Variants in CYTH3 observed in about 807,000 individuals in gnomAD.
CYTH3 encodes cytohesin 3, also known as cytohesin-3.
A neutral mutation model predicts 55.1 loss-of-function variants in CYTH3; 23 were observed. The ratio of observed to expected loss-of-function variants is 0.42; its 90% CI spans 0.30 to 0.59. The LOEUF (loss-of-function observed/expected upper bound fraction) is 0.59. CYTH3 is among the 20% of genes least tolerant of loss of function. CYTH3 has a pLI of 0.20. For missense variants in CYTH3, 413 were observed against 524.8 expected (o/e 0.79, Z 2.08); for synonymous variants, 249 against 194.9 (o/e 1.28, Z -2.31).
chr7:6,204,966 G>A (rs1313630673), intron 1 of CYTH3, among the ~76,000 whole-genome samples: 1 of 151,924 alleles, frequency 6.6e-6, no homozygotes, highest in African/African-American at 2.4e-5. Context: ...GGAGTTCAAG[G>A]CCAGTTTGGG....
intron 1 of CYTH3, among the ~76,000 whole-genome samples, chr7:6,238,087 A>T (rs1779573240): frequency 6.6e-6 from 1 of 152,240 alleles, no homozygotes; most frequent in Non-Finnish European, 1.5e-5. Flanking sequence ...CAATCTGTAT[A>T]CTTCATCAAG....
rs1289441648 is a variant in CYTH3, at chr7:6,207,862, A to T, written c.35-17331T>A. Among the ~76,000 whole-genome samples, 5 of 143,538 alleles carry T rather than the reference A, an allele frequency of 3.5e-5. No homozygotes were observed. In the South Asian group the frequency reaches 1.2e-3, roughly 34 times the overall value. The allele number at this position is 143,538 out of a possible 152,430, so 94.2% of individuals were successfully genotyped here. On this transcript the variant is annotated intron_variant, in intron 1 of 12. Coordinates refer to ENST00000350796, the MANE Select transcript of CYTH3 (RefSeq NM_004227.4). ...CTACTTGGGAGGCTGAGGTGGGAGG[A>T]TGGCTTAAACCCAGAAAGCGGAGGT...
At chr7:6,214,608 G>C (rs975853238) in intron 1 of CYTH3, among the ~76,000 whole-genome samples, 4 of 152,096 alleles carry the variant, frequency 2.6e-5, no homozygotes, top group Non-Finnish European at 5.9e-5. Flanking sequence ...CATTCCACCT[G>C]GCCTAGGAAT....
At chr7:6,190,409 AC>A in intron 2 of CYTH3, 39 bp downstream of exon 2, 1 of 1,411,260 alleles carries the variant, frequency 7.1e-7, no homozygotes, top group Non-Finnish European at 9.2e-7. Flanking sequence ...AAAGCAAAAA[AC>A]AGAGTTTTGG....
At chr7:6,166,503 G>A (rs1783013887) in intron 9 of CYTH3, among the ~76,000 whole-genome samples, 1 of 152,202 alleles carries the variant, frequency 6.6e-6, no homozygotes. Context: ...CAGCGCTGCG[G>A]AGCTCACCCG....
At chr7:6,235,209 C>T (rs1217005715) in intron 1 of CYTH3, among the ~76,000 whole-genome samples, 1 of 152,214 alleles carries the variant, frequency 6.6e-6, no homozygotes, top group Non-Finnish European at 1.5e-5. Flanking sequence ...GGCGTAGTGG[C>T]TCACGCCTGT....
At chr7:6,172,539 T>G (rs1216335546) in intron 6 of CYTH3, among the ~76,000 whole-genome samples, 1 of 152,298 alleles carries the variant, frequency 6.6e-6, no homozygotes, top group South Asian at 2.1e-4. Flanking sequence ...TCAGGGCAGC[T>G]CCTCAGGCCA....
chr7:6,227,776 A>G (rs1290505605), intron 1 of CYTH3, among the ~76,000 whole-genome samples: 1 of 152,218 alleles, frequency 6.6e-6, no homozygotes, highest in Non-Finnish European at 1.5e-5. Context: ...GGCCAATACG[A>G]TATCTCATAA....
chr7:6,250,985 A>G (rs962456705), intron 1 of CYTH3, among the ~76,000 whole-genome samples: 1 of 152,210 alleles, frequency 6.6e-6, no homozygotes, highest in Admixed American at 6.5e-5. Flanking sequence ...AATCATACAT[A>G]AATCTGAGAA....
intron 4 of CYTH3, among the ~76,000 whole-genome samples, chr7:6,186,657 G>A (rs1331045010): frequency 2.0e-5 from 3 of 152,120 alleles, no homozygotes; most frequent in Admixed American, 1.3e-4. Context: ...GGACACCAGG[G>A]TTCCACTCCC....
At chr7:6,197,963 G>A (rs1451089820) in intron 1 of CYTH3, among the ~76,000 whole-genome samples, 1 of 151,908 alleles carries the variant, frequency 6.6e-6, no homozygotes, top group Admixed American at 6.6e-5. Flanking sequence ...GACATGTCAC[G>A]CATGCCCACA....
intron 1 of CYTH3, among the ~76,000 whole-genome samples, chr7:6,272,021 C>G (rs1255016200): frequency 6.6e-6 from 1 of 152,198 alleles, no homozygotes; most frequent in African/African-American, 2.4e-5. Context: ...GCCTCCAGTG[C>G]AAAACTTTCC....
At chr7:6,176,525 C>T (rs1346332341) in intron 5 of CYTH3, among the ~76,000 whole-genome samples, 2 of 151,930 alleles carry the variant, frequency 1.3e-5, no homozygotes, top group African/African-American at 2.4e-5. Context: ...CCTCCCAAAG[C>T]GCTGGGATTA....
At chr7:6,208,343 C>T (rs947525885) in intron 1 of CYTH3, among the ~76,000 whole-genome samples, 3 of 152,190 alleles carry the variant, frequency 2.0e-5, no homozygotes, top group Non-Finnish European at 4.4e-5. Context: ...TGACAACAAA[C>T]ATGCCAACCC....
intron 1 of CYTH3, among the ~76,000 whole-genome samples, chr7:6,216,076 A>T (rs1006726976): frequency 1.3e-5 from 2 of 152,242 alleles, no homozygotes; most frequent in East Asian, 1.9e-4. Context: ...GGAAATGATC[A>T]AAGAAGTCAT....
chr7:6,263,881 A>C (rs1029630672), intron 1 of CYTH3, among the ~76,000 whole-genome samples: 3 of 152,194 alleles, frequency 2.0e-5, no homozygotes, highest in Non-Finnish European at 4.4e-5. Context: ...TCTATATATA[A>C]TCACAAGGAT....
chr7:6,222,499 C>T (rs892364522), intron 1 of CYTH3, among the ~76,000 whole-genome samples: 2 of 152,160 alleles, frequency 1.3e-5, no homozygotes, highest in African/African-American at 4.8e-5. Context: ...GTAATCCCAG[C>T]ACTCGGGGAG....
intron 9 of CYTH3, among the ~76,000 whole-genome samples, chr7:6,166,380 C>T (rs1373792864): frequency 2.0e-5 from 3 of 152,270 alleles, no homozygotes; most frequent in African/African-American, 7.2e-5. Flanking sequence ...CTGACTTCAG[C>T]TGCTATAGCC....
chr7:6,250,794 A>G (rs984033112), intron 1 of CYTH3, among the ~76,000 whole-genome samples: 4 of 152,226 alleles, frequency 2.6e-5, no homozygotes, highest in Non-Finnish European at 5.9e-5. Context: ...AAGCCATTCA[A>G]TTGTGTAATT....
Sources: allele counts gnomAD v4.1 joint callset (sites outside exome capture counted in the v4.1 genomes callset), GRCh38; gene constraint gnomAD v4.1.1; transcripts MANE v1.5; gene names NCBI Gene and HGNC (gene_info 2026-07-23, HGNC 2026-07-21).